The following RSPO2 variants were observed in gnomAD, a reference collection of about 807,000 sequenced individuals.
RSPO2 encodes the protein R-spondin 2, also known as R-spondin-2.
In RSPO2, 14 loss-of-function variants were observed where a neutral mutation model predicts 30.9. That is an observed-to-expected ratio of 0.45 (90% CI 0.30 to 0.71). The LOEUF (loss-of-function observed/expected upper bound fraction) is 0.71, where lower values mean the gene tolerates loss of function less well. RSPO2 is among the 30% of genes least tolerant of loss of function. The probability of loss-of-function intolerance (pLI) is 0.08; values close to 1 mark genes in which losing one functional copy is unlikely to be tolerated. For missense variants in RSPO2, 264 were observed against 301.9 expected, an observed-to-expected ratio of 0.87 and a Z score of 0.93; for synonymous variants, 107 against 96.4, an observed-to-expected ratio of 1.11 and a Z score of -0.64.
At chr8:107,929,254 C>T (rs546652093) in intron 5 of RSPO2, among the ~76,000 whole-genome samples, 1 of 152,286 alleles carries the variant, frequency 6.6e-6, no homozygotes, top group South Asian at 2.1e-4. Context: ...TACAGAAGTA[C>T]TCATGTCCAA....
At chr8:107,968,670 G>A (rs762898221) in intron 3 of RSPO2, among the ~76,000 whole-genome samples, 107 of 152,042 alleles carry the variant, frequency 7.0e-4, no homozygotes, top group Non-Finnish European at 1.4e-3. Flanking sequence ...ATGGTATACA[G>A]ATATCAAAAT....
chr8:108,045,010 A>G (rs1036412999), intron 2 of RSPO2, among the ~76,000 whole-genome samples: 1 of 152,156 alleles, frequency 6.6e-6, no homozygotes, highest in African/African-American at 2.4e-5. Flanking sequence ...TCTGGACATC[A>G]GCCTTGGCAA....
intron 2 of RSPO2, among the ~76,000 whole-genome samples, chr8:108,006,608 G>GA (rs59714687): frequency 7.7e-4 from 109 of 142,368 alleles, no homozygotes; most frequent in East Asian, 1.2e-3. Context: ...AACTGATTCT[G>GA]AAAAAAAAAA....
intron 2 of RSPO2, among the ~76,000 whole-genome samples, chr8:108,011,582 T>C (rs1204537021): frequency 1.3e-5 from 2 of 152,350 alleles, no homozygotes; most frequent in South Asian, 2.1e-4. Flanking sequence ...CCAAAGTACA[T>C]GGATTATTTC....
chr8:107,956,399 G>C (rs1813435437), intron 5 of RSPO2, among the ~76,000 whole-genome samples: 1 of 152,186 alleles, frequency 6.6e-6, no homozygotes. Flanking sequence ...GTCAAAAAGA[G>C]AATATTAGCA....
At chr8:108,010,116 G>A (rs1810652641) in intron 2 of RSPO2, among the ~76,000 whole-genome samples, 1 of 151,902 alleles carries the variant, frequency 6.6e-6, no homozygotes, top group South Asian at 2.1e-4. Flanking sequence ...TCAAAAACCA[G>A]AGACAAAAAA....
intron 5 of RSPO2, among the ~76,000 whole-genome samples, chr8:107,949,993 A>T (rs193224170): frequency 6.6e-6 from 1 of 152,312 alleles, no homozygotes; most frequent in East Asian, 1.9e-4. Context: ...CATGTATGTG[A>T]CATGGGTGGT....
At chr8:107,942,582 A>T (rs1330469229) in intron 5 of RSPO2, among the ~76,000 whole-genome samples, 1 of 152,248 alleles carries the variant, frequency 6.6e-6, no homozygotes, top group East Asian at 1.9e-4. Flanking sequence ...ATAAAATTAA[A>T]TATCTTGAAT....
intron 2 of RSPO2, among the ~76,000 whole-genome samples, chr8:108,076,906 AAAG>A (rs1356524240): frequency 1.3e-5 from 2 of 152,226 alleles, no homozygotes; most frequent in Non-Finnish European, 1.5e-5. Flanking sequence ...TGAGGGAACC[AAAG>A]AAGAGAATGG....
chr8:108,058,718 C>G (rs199520752), intron 2 of RSPO2, among the ~76,000 whole-genome samples: 18 of 151,772 alleles, frequency 1.2e-4, no homozygotes, highest in South Asian at 2.1e-4. Flanking sequence ...TCTGATCTTT[C>G]ACAAACCTGA....
At chr8:107,949,154 C>A (rs1813162156) in intron 5 of RSPO2, among the ~76,000 whole-genome samples, 1 of 151,922 alleles carries the variant, frequency 6.6e-6, no homozygotes, top group African/African-American at 2.4e-5. Flanking sequence ...AGTCTTTTAT[C>A]CCTCACCCCC....
In RSPO2 at chr8:108,033,432, C is replaced by T. The variant is rs554893610; in HGVS notation, c.95-44188G>A. Among the ~76,000 whole-genome samples, 6 of 152,304 alleles carry T rather than the reference C, an allele frequency of 3.9e-5. No individual in the cohort carries two copies. The South Asian group carries it at 1.0e-3, about 26-fold the overall frequency. On this transcript the variant is annotated intron_variant, in intron 2 of 5. Coordinates refer to ENST00000276659, the MANE Select transcript of RSPO2 (RefSeq NM_178565.5). ...TTCTACCTTCCTCCCCTCTAAGCCACTGATCTTCTCCATAACCTGTGTTCA... is the reference window on the plus strand; with the variant it reads ...TTCTACCTTCCTCCCCTCTAAGCCATTGATCTTCTCCATAACCTGTGTTCA...
At chr8:107,939,721 C>T (rs1812833640) in intron 5 of RSPO2, among the ~76,000 whole-genome samples, 1 of 151,940 alleles carries the variant, frequency 6.6e-6, no homozygotes, top group Non-Finnish European at 1.5e-5. Context: ...AAGCGTTTTG[C>T]CTGCATTCTG....
intron 5 of RSPO2, among the ~76,000 whole-genome samples, chr8:107,922,696 CATACTAT>C (rs1426508419): frequency 1.3e-5 from 2 of 151,948 alleles, no homozygotes; most frequent in Non-Finnish European, 1.5e-5. Context: ...CTTCAAACTA[CATACTAT>C]ATACTACGGG....
chr8:107,929,413 CT>C (rs1376655227), intron 5 of RSPO2, among the ~76,000 whole-genome samples: 1 of 152,164 alleles, frequency 6.6e-6, no homozygotes, highest in Non-Finnish European at 1.5e-5. Flanking sequence ...TACATGCCCC[CT>C]GTTTAGCAGC....
At chr8:107,972,907 C>G (rs1283448051) in intron 3 of RSPO2, among the ~76,000 whole-genome samples, 1 of 152,122 alleles carries the variant, frequency 6.6e-6, no homozygotes, top group Non-Finnish European at 1.5e-5. Context: ...ATAATCCTTT[C>G]AGAAGATAAA....
intron 2 of RSPO2, among the ~76,000 whole-genome samples, chr8:108,081,321 A>G (rs73700390): frequency 0.043 from 6,553 of 152,308 alleles, 493 homozygotes; most frequent in African/African-American, 0.15. Context: ...AGTCCTCCTC[A>G]AAATCTGGAT....
chr8:107,910,277 T>C (rs749932264), intron 5 of RSPO2, among the ~76,000 whole-genome samples: 1 of 152,206 alleles, frequency 6.6e-6, no homozygotes, highest in African/African-American at 2.4e-5. Context: ...TTTAAGACCA[T>C]TGTCATATGG....
chr8:108,078,539 T>A (rs1273951521), intron 2 of RSPO2, among the ~76,000 whole-genome samples: 11 of 152,126 alleles, frequency 7.2e-5, no homozygotes, highest in African/African-American at 1.2e-4. Context: ...AAAAAAAAAA[T>A]TCGAATCTTT....
Sources: gnomAD v4.1 joint callset for allele counts (sites outside exome capture counted in the v4.1 genomes callset) on GRCh38, gnomAD v4.1.1 for gene constraint, MANE v1.5 for transcripts, NCBI Gene and HGNC (gene_info 2026-07-23, HGNC 2026-07-21) for gene names.